Variants in NOC3L observed in about 807,000 individuals in gnomAD.
The protein encoded by NOC3L is NOC3 like DNA replication regulator.
NOC3L carries 85 observed loss-of-function variants against 102.5 expected under a neutral mutation model. The ratio of observed to expected loss-of-function variants is 0.83; its 90% confidence interval spans 0.70 to 0.99. The LOEUF (loss-of-function observed/expected upper bound fraction) is 0.99, where lower values mean the gene tolerates loss of function less well. Among genes scored for constraint, NOC3L ranks in the 50% least tolerant of loss-of-function variants. The pLI, the probability that NOC3L is intolerant of heterozygous loss-of-function variation, is 0.00. For missense variants in NOC3L, 878 were observed against 914.9 expected, an observed-to-expected ratio of 0.96 and a Z score of 0.52; for synonymous variants, 303 against 309.4, an observed-to-expected ratio of 0.98 and a Z score of 0.22.
At position 94,344,840 on chromosome 10, in the gene NOC3L, T is replaced by C; in HGVS notation, c.1470+13A>G. On this transcript the variant is annotated intron_variant, in intron 12 of 20. Coordinates refer to ENST00000371361, the MANE Select transcript of NOC3L (RefSeq NM_022451.11). ...CGCATTTTAAAAGCATAACAGAATA[T>C]GAAACTGCCTACCAGTTTAAGTTTT... The C allele has an allele frequency of 6.4e-7, 1 of 1,573,546 alleles. No individual in the cohort carries two copies. The highest frequency in any genetic ancestry group is 8.6e-7 in the Non-Finnish European group (1 of 1,159,394).
chr10:94,319,854 C>CAAAGGTA, the NOC3L span, among the ~76,000 whole-genome samples: 1 of 127,024 alleles, frequency 7.9e-6, no homozygotes, highest in Admixed American at 8.0e-5. Context: ...GAGGGAGGCT[C>CAAAGGTA]AAAGGTGCTC....
the NOC3L span, among the ~76,000 whole-genome samples, chr10:94,320,693 C>G: frequency 6.4e-4 from 98 of 152,214 alleles, no homozygotes; most frequent in Non-Finnish European, 1.1e-3. Flanking sequence ...TACTTTACCT[C>G]TCCCTGCCCT....
chr10:94,346,768 C>T (rs182494952), intron 10 of NOC3L, among the ~76,000 whole-genome samples: 33 of 152,172 alleles, frequency 2.2e-4, no homozygotes, highest in African/African-American at 5.8e-4. Context: ...ACAAAACGGA[C>T]GCTAGCAAAT....
the NOC3L span, chr10:94,316,641 G>A: frequency 6.2e-7 from 1 of 1,610,288 alleles, no homozygotes; most frequent in Non-Finnish European, 8.5e-7. Flanking sequence ...AATGAATGTA[G>A]GAAACAACCA....
At chr10:94,349,885 AG>A (rs2054394047) in intron 9 of NOC3L, among the ~76,000 whole-genome samples, 1 of 152,016 alleles carries the variant, frequency 6.6e-6, no homozygotes, top group Admixed American at 6.5e-5. Flanking sequence ...CAGCCTCCCA[AG>A]TAGCTGGGAC....
chr10:94,340,798 G>A (rs1389899442), intron 14 of NOC3L, among the ~76,000 whole-genome samples: 2 of 151,898 alleles, frequency 1.3e-5, no homozygotes, highest in Admixed American at 6.6e-5. Flanking sequence ...TGGCTAACAC[G>A]GTGAAACCCT....
chr10:94,350,061 A>G lies in NOC3L; in HGVS notation c.1128+52T>C, dbSNP rs368459717. ...GTGTGAGCCACCGTGCCTGGCCCACATGGTGTATAATTTTCTAAGGAGGAC... is the reference window on the plus strand; with the variant it reads ...GTGTGAGCCACCGTGCCTGGCCCACGTGGTGTATAATTTTCTAAGGAGGAC... On this transcript the variant is annotated intron_variant, in intron 9 of 20. Transcript: ENST00000371361. 53 of 1,578,986 alleles carry G rather than the reference A, an allele frequency of 3.4e-5. No individual in the cohort carries two copies. The East Asian group carries it at 8.3e-4, about 25-fold the overall frequency.
At chr10:94,324,645 G>C in the NOC3L span, 2 of 1,267,804 alleles carry the variant, frequency 1.6e-6, no homozygotes, top group Non-Finnish European at 2.3e-6. Flanking sequence ...TCTGGAAGCT[G>C]GTGAAATTTA....
At chr10:94,351,407 ACC>A (rs1475589093) in intron 8 of NOC3L, among the ~76,000 whole-genome samples, 1 of 151,982 alleles carries the variant, frequency 6.6e-6, no homozygotes, top group Non-Finnish European at 1.5e-5. Context: ...CCCTATTCCT[ACC>A]CCTATTTTTT....
In NOC3L at chr10:94,357,340, GA is replaced by G. The variant is rs753480410; in HGVS notation, c.351-10del. 44 of 1,547,560 alleles carry G rather than the reference GA, an allele frequency of 2.8e-5. 1 individual carries two copies. Among genetic ancestry groups the G allele is most frequent in the South Asian group, 2.4e-4 (19 of 79,340 alleles). ...TCGCATGAACAGGCTCACTGCAGGG[GA>G]AAAAAAGATCAATTTTCAGTCTTAA... On this transcript the variant is annotated splice_polypyrimidine_tract_variant and intron_variant, in intron 3 of 20. Coordinates refer to ENST00000371361, the MANE Select transcript of NOC3L (RefSeq NM_022451.11).
intron 20 of NOC3L, 28 bp from the exon 21 acceptor site, chr10:94,334,333 G>T (rs2054192726): frequency 1.4e-6 from 2 of 1,460,942 alleles, no homozygotes; most frequent in African/African-American, 2.8e-5. Flanking sequence ...GTATGAGTTA[G>T]AAGTTACTTA....
downstream of NOC3L, chr10:94,328,499 C>T (rs1176017028): frequency 6.6e-6 from 1 of 152,242 alleles, no homozygotes; most frequent in Admixed American, 6.5e-5. Context: ...CATACAAAAA[C>T]AGGTGGCAGG....
intron 11 of NOC3L, among the ~76,000 whole-genome samples, 165 bp downstream of exon 11, chr10:94,346,260 A>T (rs923849279): frequency 9.2e-5 from 14 of 152,216 alleles, no homozygotes; most frequent in African/African-American, 3.4e-4. Flanking sequence ...TGATTTAAGA[A>T]AACATTTCTT....
Position 94,339,795 on chromosome 10 carries a change from G to A in NOC3L, c.1906C>T (p.His636Tyr), listed in dbSNP as rs946507893. 1 of 1,614,068 alleles carries A rather than the reference G, an allele frequency of 6.2e-7. No individual in the cohort carries two copies. Among genetic ancestry groups the A allele is most frequent in the Non-Finnish European group, 8.5e-7 (1 of 1,179,988 alleles). Residue 636 changes from histidine (H) to tyrosine (Y), a missense_variant, in exon 17 of 21, where the codon CAT (histidine) becomes TAT (tyrosine). His to Tyr is a moderately conservative substitution (Grantham distance 83). Coordinates refer to ENST00000371361, the MANE Select transcript of NOC3L (RefSeq NM_022451.11). ...CCAATACTTGAATTTGGAAGAACATGAAGAGCAAGGGTACAAAGGCGTTTG... is the reference window on the plus strand; with the variant it reads ...CCAATACTTGAATTTGGAAGAACATAAAGAGCAAGGGTACAAAGGCGTTTG... ...FIKRLCTLAL[H>Y]VLPNSSIGIL...
the NOC3L span, among the ~76,000 whole-genome samples, chr10:94,324,121 G>GAGGAATTCAGACGA: frequency 6.6e-6 from 1 of 152,162 alleles, no homozygotes; most frequent in Non-Finnish European, 1.5e-5. Flanking sequence ...TGAAATTCAG[G>GAGGAATTCAGACGA]ATAATAACAC....
chr10:94,338,541 G>T, intron 18 of NOC3L, 67 bp downstream of exon 18: 1 of 1,396,342 alleles, frequency 7.2e-7, no homozygotes. Context: ...ACAACTATTT[G>T]AAGAAAAACT....
chr10:94,336,627 C>A (rs922249276), intron 19 of NOC3L, among the ~76,000 whole-genome samples: 1 of 151,770 alleles, frequency 6.6e-6, no homozygotes, highest in Non-Finnish European at 1.5e-5. Flanking sequence ...GGATTACAGG[C>A]GTGAGCCACT....
At chr10:94,346,296 C>A in intron 11 of NOC3L, 129 bp downstream of exon 11, 1 of 578,268 alleles carries the variant, frequency 1.7e-6, no homozygotes, top group Non-Finnish European at 2.7e-6. Flanking sequence ...AGATAAAATT[C>A]TCTAAATGAT....
intron 4 of NOC3L, 94 bp from the exon 5 acceptor site, chr10:94,356,685 G>T: frequency 1.3e-6 from 1 of 769,932 alleles, no homozygotes. Context: ...TAAAACTCAG[G>T]ATAGCAGTTA....
Sources: gnomAD v4.1 joint callset for allele counts (sites outside exome capture counted in the v4.1 genomes callset) on GRCh38, gnomAD v4.1.1 for gene constraint, MANE v1.5 for transcripts, NCBI Gene and HGNC (gene_info 2026-07-23, HGNC 2026-07-21) for gene names.